CACNA2D3: variants seen among roughly 807,000 people sequenced by gnomAD.
CACNA2D3 encodes calcium voltage-gated channel auxiliary subunit alpha2delta 3, also known as voltage-dependent calcium channel subunit alpha-2/delta-3.
Under a neutral mutation model 160.6 loss-of-function variants are expected in CACNA2D3, and 60 were observed. That is an observed-to-expected ratio of 0.37 (90% CI 0.30 to 0.46). The LOEUF (loss-of-function observed/expected upper bound fraction) is 0.46. Among genes scored for constraint, CACNA2D3 ranks in the 20% least tolerant of loss-of-function variants. CACNA2D3 has a pLI of 1.00. For synonymous variants in CACNA2D3, 558 were observed against 492.9 expected (o/e 1.13, Z -1.75); for missense variants, 1,205 against 1,365.0 (o/e 0.88, Z 1.85).
At chr3:54,239,755 A>G (rs978084056) in intron 2 of CACNA2D3, among the ~76,000 whole-genome samples, 1 of 152,258 alleles carries the variant, frequency 6.6e-6, no homozygotes, top group African/African-American at 2.4e-5. Flanking sequence ...ATGGCTTCAC[A>G]CAAGTCAATC....
At chr3:54,826,994 C>T (rs957775812) in intron 14 of CACNA2D3, among the ~76,000 whole-genome samples, 1 of 152,184 alleles carries the variant, frequency 6.6e-6, no homozygotes, top group African/African-American at 2.4e-5. Flanking sequence ...CATTTAATGC[C>T]TCCAAGAACT....
intron 13 of CACNA2D3, among the ~76,000 whole-genome samples, chr3:54,781,868 A>G (rs575176155): frequency 1.3e-5 from 2 of 152,322 alleles, no homozygotes; most frequent in Non-Finnish European, 2.9e-5. Context: ...AGAGTCAGCT[A>G]ACGTTCTATT....
intron 2 of CACNA2D3, among the ~76,000 whole-genome samples, chr3:54,170,784 A>T (rs1361937488): frequency 6.6e-6 from 1 of 152,220 alleles, no homozygotes; most frequent in Admixed American, 6.5e-5. Flanking sequence ...TATTCTGTTT[A>T]AGAAACCAAA....
Position 54,302,718 on chromosome 3 carries a change from C to T in CACNA2D3, c.205-17724C>T, listed in dbSNP as rs954181863. Among the ~76,000 whole-genome samples, 5 of 152,216 alleles carry T rather than the reference C, an allele frequency of 3.3e-5. No homozygotes were observed. The South Asian group carries it at 1.0e-3, about 32-fold the overall frequency. ...CTTCAAGATGGGTTGACATTTACTGCTTATCCCTGTGACCTCACCCTCTCC... is the reference window on the plus strand; with the variant it reads ...CTTCAAGATGGGTTGACATTTACTGTTTATCCCTGTGACCTCACCCTCTCC... On this transcript the variant is annotated intron_variant, in intron 2 of 37. Coordinates refer to ENST00000474759, the MANE Select transcript of CACNA2D3 (RefSeq NM_018398.3).
intron 35 of CACNA2D3, among the ~76,000 whole-genome samples, chr3:55,025,284 T>C (rs1360707468): frequency 2.0e-5 from 3 of 152,196 alleles, no homozygotes; most frequent in African/African-American, 7.2e-5. Context: ...ATTGCATTCC[T>C]GCTGTGGTCT....
At chr3:54,997,813 A>G (rs1248815591) in intron 31 of CACNA2D3, among the ~76,000 whole-genome samples, 3 of 152,224 alleles carry the variant, frequency 2.0e-5, no homozygotes, top group African/African-American at 7.2e-5. Flanking sequence ...TTTTAAACAA[A>G]TGCCAATGTG....
intron 27 of CACNA2D3, among the ~76,000 whole-genome samples, chr3:54,941,055 A>G (rs1449188681): frequency 6.6e-6 from 1 of 152,230 alleles, no homozygotes; most frequent in Non-Finnish European, 1.5e-5. Flanking sequence ...CCAGTGATTA[A>G]AGCAAATCAA....
At chr3:54,927,933 C>A (rs1426540111) in intron 27 of CACNA2D3, 1 of 1,613,212 alleles carries the variant, frequency 6.2e-7, no homozygotes, top group Non-Finnish European at 8.5e-7. Context: ...CTTGGGCGTC[C>A]TTGCTGACCT....
Position 54,581,835 on chromosome 3 carries a change from C to T in CACNA2D3, c.921C>T (p.Cys307=). 6.2e-7 allele frequency: 1 copy of T among 1,613,690 alleles called. No homozygotes were observed. The highest frequency in any genetic ancestry group is 8.5e-7 in the Non-Finnish European group (1 of 1,179,824). The part of the protein sequence containing the change: ...YNEELHYVEP[C]LNGTLVQADR... ...AGGAGCTTCACTATGTGGAACCTTG[C>T]CTGAATGGAACTTTGGTGCAAGCCG... The change falls in exon 9 of 38, where the codon TGC becomes TGT. Residue 307 remains cysteine, a synonymous_variant. Transcript: ENST00000474759.
At chr3:54,648,979 A>G (rs1485214026) in intron 11 of CACNA2D3, among the ~76,000 whole-genome samples, 1 of 152,226 alleles carries the variant, frequency 6.6e-6, no homozygotes, top group African/African-American at 2.4e-5. Flanking sequence ...ACCAGGTCCC[A>G]CGTCCAACAT....
intron 11 of CACNA2D3, among the ~76,000 whole-genome samples, chr3:54,741,886 T>C (rs113854017): frequency 2.0e-5 from 3 of 151,712 alleles, no homozygotes; most frequent in African/African-American, 4.8e-5. Flanking sequence ...TTTTTTAATT[T>C]ATTTATTTTT....
intron 2 of CACNA2D3, among the ~76,000 whole-genome samples, chr3:54,310,893 G>A (rs1171424927): frequency 6.6e-6 from 1 of 152,188 alleles, no homozygotes; most frequent in East Asian, 1.9e-4. Context: ...GGACCCTGGT[G>A]GAGGCTGATC....
At chr3:54,635,091 A>T (rs192537146) in intron 10 of CACNA2D3, among the ~76,000 whole-genome samples, 12 of 151,896 alleles carry the variant, frequency 7.9e-5, no homozygotes, top group Non-Finnish European at 1.3e-4. Context: ...AGTCGGAGAG[A>T]TTAAGCTGAA....
intron 13 of CACNA2D3, among the ~76,000 whole-genome samples, chr3:54,777,091 G>T (rs1334794619): frequency 6.6e-6 from 1 of 152,134 alleles, no homozygotes; most frequent in East Asian, 1.9e-4. Flanking sequence ...GATATCAGCT[G>T]CCAGTTTCTC....
chr3:54,559,164 C>T (rs1391727125), intron 5 of CACNA2D3, among the ~76,000 whole-genome samples: 1 of 152,166 alleles, frequency 6.6e-6, no homozygotes, highest in East Asian at 1.9e-4. Context: ...ACAGGGTCTT[C>T]AGAGGTTAAA....
intron 4 of CACNA2D3, among the ~76,000 whole-genome samples, chr3:54,437,932 A>G (rs1700084474): frequency 1.3e-5 from 2 of 152,216 alleles, no homozygotes. Context: ...GGCAGACAGT[A>G]TGGATGCTTA....
At chr3:55,043,728 A>T (rs925069494) in intron 35 of CACNA2D3, among the ~76,000 whole-genome samples, 1 of 152,152 alleles carries the variant, frequency 6.6e-6, no homozygotes, top group African/African-American at 2.4e-5. Flanking sequence ...AGGTCACAAA[A>T]GTTTTTCTTC....
At chr3:54,871,330 C>A (rs1699529822) in intron 17 of CACNA2D3, among the ~76,000 whole-genome samples, 1 of 152,040 alleles carries the variant, frequency 6.6e-6, no homozygotes. Context: ...TTTTCTACTC[C>A]CAACTTGGAG....
At chr3:55,068,460 CTCTAG>C (rs1704719760) in intron 35 of CACNA2D3, among the ~76,000 whole-genome samples, 1 of 152,126 alleles carries the variant, frequency 6.6e-6, no homozygotes, top group East Asian at 1.9e-4. Context: ...AGTCCATTTA[CTCTAG>C]TCTAACATGA....
Sources: gnomAD v4.1 joint callset for allele counts (sites outside exome capture counted in the v4.1 genomes callset) on GRCh38, gnomAD v4.1.1 for gene constraint, MANE v1.5 for transcripts, NCBI Gene and HGNC (gene_info 2026-07-23, HGNC 2026-07-21) for gene names.